The following GALNT17 variants were observed in gnomAD, a reference collection of about 807,000 sequenced individuals.
GALNT17 encodes the protein UDP-GalNAc:polypeptide N-acetylgalactosaminyltransferase-like 3.
GALNT17 carries 29 observed loss-of-function variants against 63.7 expected under a neutral mutation model. The observed-to-expected ratio is 0.46, with a 90% CI of 0.34 to 0.62. The LOEUF (loss-of-function observed/expected upper bound fraction) is 0.62, where lower values mean the gene tolerates loss of function less well. Ranked by LOEUF, GALNT17 falls within the 20% of genes least tolerant of loss-of-function variation. GALNT17 has a pLI of 0.01. For missense variants in GALNT17, 603 were observed against 799.6 expected, an observed-to-expected ratio of 0.75 and a Z score of 2.97; for synonymous variants, 305 against 318.3, an observed-to-expected ratio of 0.96 and a Z score of 0.45.
At chr7:71,188,871 C>T (rs986140549) in intron 1 of GALNT17, among the ~76,000 whole-genome samples, 2 of 152,074 alleles carry the variant, frequency 1.3e-5, no homozygotes, top group East Asian at 1.9e-4. Flanking sequence ...AAAATAGAGT[C>T]GGGGAGAGTG....
Position 71,415,797 on chromosome 7 carries a change from A to T in GALNT17, c.590-92A>T, listed in dbSNP as rs1464493335. 3.7e-6 allele frequency: 5 copies of T among 1,354,618 alleles called. No individual in the cohort carries two copies. The African/African-American group carries it at 5.9e-5, about 16-fold the overall frequency. The allele number at this position is 1,354,618 out of a possible 1,614,324, so 83.9% of individuals were successfully genotyped here. ...CATGCGATTTTTTTTGAGATCTTTGAACTCCCTGAAGATCTGTGGGCATTG... is the reference window on the plus strand; with the variant it reads ...CATGCGATTTTTTTTGAGATCTTTGTACTCCCTGAAGATCTGTGGGCATTG... On this transcript the variant is annotated intron_variant, in intron 3 of 10. Coordinates refer to ENST00000333538, the MANE Select transcript of GALNT17 (RefSeq NM_022479.3).
intron 5 of GALNT17, among the ~76,000 whole-genome samples, chr7:71,553,448 A>C (rs1446890316): frequency 6.6e-6 from 1 of 152,148 alleles, no homozygotes; most frequent in Non-Finnish European, 1.5e-5. Context: ...TAAATTCCTA[A>C]GAGTAGAATT....
chr7:71,167,922 G>A (rs571332775), intron 1 of GALNT17, among the ~76,000 whole-genome samples: 2 of 152,186 alleles, frequency 1.3e-5, no homozygotes, highest in South Asian at 2.1e-4. Context: ...CACCCTTTCC[G>A]GCCTCCTAAA....
At chr7:71,381,701 C>T (rs1792850407) in intron 2 of GALNT17, among the ~76,000 whole-genome samples, 1 of 152,082 alleles carries the variant, frequency 6.6e-6, no homozygotes, top group African/African-American at 2.4e-5. Flanking sequence ...ATTGTTTGAA[C>T]CTGGGAGGTG....
intron 5 of GALNT17, among the ~76,000 whole-genome samples, chr7:71,448,600 C>T (rs1030529635): frequency 3.3e-5 from 5 of 152,038 alleles, no homozygotes; most frequent in Admixed American, 1.3e-4. Flanking sequence ...TTTGCCATAA[C>T]ACTCAGTACT....
chr7:71,346,732 G>C (rs1456372124), intron 2 of GALNT17, among the ~76,000 whole-genome samples: 1 of 120,936 alleles, frequency 8.3e-6, no homozygotes, highest in Non-Finnish European at 1.6e-5. Flanking sequence ...GTTTATCTAG[G>C]GAATCTTGCC....
At chr7:71,217,468 C>T (rs1033129081) in intron 1 of GALNT17, among the ~76,000 whole-genome samples, 7 of 152,096 alleles carry the variant, frequency 4.6e-5, no homozygotes, top group Non-Finnish European at 1.0e-4. Flanking sequence ...TTCTCTTAAT[C>T]AGACCAATTA....
At chr7:71,447,914 T>C (rs927277974) in intron 5 of GALNT17, among the ~76,000 whole-genome samples, 26 of 152,206 alleles carry the variant, frequency 1.7e-4, no homozygotes, top group Admixed American at 1.4e-3. Flanking sequence ...GCCTCATCCA[T>C]CAGGACTGGC....
At chr7:71,377,910 C>A (rs908631852) in intron 2 of GALNT17, among the ~76,000 whole-genome samples, 4 of 152,146 alleles carry the variant, frequency 2.6e-5, no homozygotes, top group African/African-American at 9.7e-5. Flanking sequence ...TTCCTGAGGC[C>A]TTCCAAGCCA....
chr7:71,133,125 C>A, intron 1 of GALNT17, 85 bp downstream of exon 1: 1 of 1,233,794 alleles, frequency 8.1e-7, no homozygotes, highest in Non-Finnish European at 1.1e-6. Flanking sequence ...GCGCTGCGCC[C>A]TGTGCCTGGG....
chr7:71,219,429 C>G (rs1004505622), intron 1 of GALNT17, among the ~76,000 whole-genome samples: 1 of 152,034 alleles, frequency 6.6e-6, no homozygotes. Flanking sequence ...TCTGTTATCT[C>G]TTTCTGGAAT....
At chr7:71,487,451 GA>G (rs1418685785) in intron 5 of GALNT17, among the ~76,000 whole-genome samples, 1 of 152,110 alleles carries the variant, frequency 6.6e-6, no homozygotes, top group Non-Finnish European at 1.5e-5. Flanking sequence ...AGCGTCCAGG[GA>G]ATAGTTGAGA....
chr7:71,239,346 G>T (rs1329090549), intron 1 of GALNT17, among the ~76,000 whole-genome samples: 7 of 151,540 alleles, frequency 4.6e-5, no homozygotes, highest in Non-Finnish European at 8.8e-5. Context: ...GGTGGTACAT[G>T]CCTGTAGTCC....
intron 5 of GALNT17, among the ~76,000 whole-genome samples, chr7:71,435,392 T>C (rs1255684821): frequency 5.3e-5 from 8 of 152,166 alleles, no homozygotes; most frequent in Non-Finnish European, 1.2e-4. Flanking sequence ...AAACCTCCTC[T>C]TGCCTGGGGA....
chr7:71,704,414 A>G (rs1304744247), intron 9 of GALNT17, among the ~76,000 whole-genome samples: 6 of 152,182 alleles, frequency 3.9e-5, no homozygotes, highest in Non-Finnish European at 7.3e-5. Context: ...TAGAGGACTT[A>G]AGAGTGTTAA....
intron 5 of GALNT17, among the ~76,000 whole-genome samples, chr7:71,534,695 C>T (rs890466648): frequency 2.6e-5 from 4 of 152,174 alleles, no homozygotes; most frequent in African/African-American, 9.6e-5. Context: ...AATTACCTCC[C>T]ACTGGGTCCC....
chr7:71,147,327 G>A (rs1788041951), intron 1 of GALNT17, among the ~76,000 whole-genome samples: 3 of 152,174 alleles, frequency 2.0e-5, no homozygotes, highest in Admixed American at 6.5e-5. Flanking sequence ...GGAGTCCGAT[G>A]TTTGAGGGCA....
intron 1 of GALNT17, among the ~76,000 whole-genome samples, chr7:71,190,302 T>C (rs1788928230): frequency 1.3e-5 from 2 of 152,186 alleles, no homozygotes; most frequent in South Asian, 4.1e-4. Flanking sequence ...TGGATCATGG[T>C]AGCGGATCCC....
At chr7:71,311,894 C>G (rs1791420048) in intron 1 of GALNT17, among the ~76,000 whole-genome samples, 1 of 152,198 alleles carries the variant, frequency 6.6e-6, no homozygotes, top group Non-Finnish European at 1.5e-5. Context: ...GTCCCTCCAT[C>G]TGCTTCTGAG....
Sources: gnomAD v4.1 joint callset for allele counts (sites outside exome capture counted in the v4.1 genomes callset) on GRCh38, gnomAD v4.1.1 for gene constraint, MANE v1.5 for transcripts, NCBI Gene and HGNC (gene_info 2026-07-23, HGNC 2026-07-21) for gene names.